CTNNA2: variants seen among roughly 807,000 people sequenced by gnomAD.
CTNNA2 encodes the protein catenin alpha-2.
CTNNA2 carries 42 observed loss-of-function variants against 101.0 expected under a neutral mutation model. The observed-to-expected ratio is 0.42, with a 90% CI of 0.32 to 0.54. The LOEUF (loss-of-function observed/expected upper bound fraction) is 0.54, where lower values mean the gene tolerates loss of function less well. CTNNA2 is among the 20% of genes least tolerant of loss of function. The probability of loss-of-function intolerance (pLI) is 0.14; values close to 1 mark genes in which losing one functional copy is unlikely to be tolerated. For synonymous variants in CTNNA2, 450 were observed against 456.4 expected, an observed-to-expected ratio of 0.99 and a Z score of 0.18; for missense variants, 871 against 1,223.1, an observed-to-expected ratio of 0.71 and a Z score of 4.29.
At chr2:79,558,073 C>G (rs1205830939) in intron 1 of CTNNA2, among the ~76,000 whole-genome samples, 2 of 151,942 alleles carry the variant, frequency 1.3e-5, no homozygotes, top group Admixed American at 6.6e-5. Context: ...TTAGACCAGA[C>G]TATGATTATC....
chr2:80,216,064 G>T (rs377070619), intron 7 of CTNNA2, among the ~76,000 whole-genome samples: 64 of 152,336 alleles, frequency 4.2e-4, no homozygotes, highest in African/African-American at 1.5e-3. Flanking sequence ...TCCGAGCCAG[G>T]CATGGGATAT....
In CTNNA2 at chr2:79,252,275, G is replaced by A. The variant is rs560355556; in HGVS notation, c.-406+54199G>A. On this transcript the variant is annotated intron_variant, in intron 2 of 21. Coordinates refer to the CTNNA2 transcript ENST00000466387. The stretch of plus-strand genomic sequence containing the variant: ...TTTGAAACAGTCCCTCAAGTTAAAA[G>A]AGCATGTTTGGAAGAGATTTTTTTT... Among the ~76,000 whole-genome samples the A allele has an allele frequency of 5.8e-5, 8 of 139,096 alleles. No individual in the cohort carries two copies. In the South Asian group the frequency reaches 1.9e-3, roughly 33 times the overall value. 91.3% of individuals were successfully genotyped at this position (139,096 alleles called of 152,430 possible). A position where few individuals can be genotyped will look rare whatever the true frequency, so the allele number is the denominator to read the frequency against.
chr2:79,887,887 C>T (rs1684004349), intron 6 of CTNNA2, among the ~76,000 whole-genome samples: 2 of 152,092 alleles, frequency 1.3e-5, no homozygotes, highest in Admixed American at 1.3e-4. Context: ...TCAATTCTTT[C>T]TAACTGGAAA....
At chr2:80,435,295 C>T (rs1681930188) in intron 9 of CTNNA2, among the ~76,000 whole-genome samples, 1 of 152,170 alleles carries the variant, frequency 6.6e-6, no homozygotes, top group Non-Finnish European at 1.5e-5. Flanking sequence ...GCAGATAACA[C>T]AAGAAATAGG....
intron 2 of CTNNA2, among the ~76,000 whole-genome samples, chr2:79,719,937 T>G (rs901193309): frequency 2.6e-5 from 4 of 152,182 alleles, no homozygotes; most frequent in African/African-American, 4.8e-5. Flanking sequence ...TTGCAATCAC[T>G]TTTGGGGACT....
At chr2:80,573,852 G>A (rs769820545) in intron 12 of CTNNA2, among the ~76,000 whole-genome samples, 3 of 152,160 alleles carry the variant, frequency 2.0e-5, no homozygotes, top group African/African-American at 7.2e-5. Context: ...ATGCAACTCA[G>A]TTTGGGGTTA....
chr2:79,198,584 G>A (rs1673992135), intron 2 of CTNNA2, among the ~76,000 whole-genome samples: 1 of 152,156 alleles, frequency 6.6e-6, no homozygotes, highest in South Asian at 2.1e-4. Flanking sequence ...CAAAAGAATT[G>A]TATATTCTTA....
chr2:79,302,475 G>A (rs985710493), intron 2 of CTNNA2, among the ~76,000 whole-genome samples: 20 of 152,014 alleles, frequency 1.3e-4, no homozygotes, highest in African/African-American at 4.1e-4. Flanking sequence ...GAGTTCTGAC[G>A]TGTTTAACCT....
intron 7 of CTNNA2, among the ~76,000 whole-genome samples, chr2:80,306,464 T>C (rs867066313): frequency 1.0e-4 from 14 of 137,882 alleles, no homozygotes; most frequent in African/African-American, 2.4e-4. Context: ...CTCTCTCTCT[T>C]TCTTTCTTTC....
intron 6 of CTNNA2, among the ~76,000 whole-genome samples, chr2:79,891,346 A>G (rs1167497573): frequency 1.3e-5 from 2 of 152,196 alleles, no homozygotes; most frequent in Non-Finnish European, 2.9e-5. Flanking sequence ...CGCTGTGTAG[A>G]ATTTTTGCTC....
chr2:79,589,727 G>C (rs1436413648), intron 1 of CTNNA2, among the ~76,000 whole-genome samples: 1 of 144,568 alleles, frequency 6.9e-6, no homozygotes, highest in African/African-American at 2.6e-5. Context: ...TCCCCCCCCC[G>C]AGACACGAAT....
intron 7 of CTNNA2, among the ~76,000 whole-genome samples, chr2:80,247,140 G>A (rs2149100034): frequency 6.6e-6 from 1 of 152,250 alleles, no homozygotes; most frequent in Middle Eastern, 3.4e-3. Flanking sequence ...GATGGAGAAA[G>A]CTTTAAGATC....
chr2:80,199,654 G>GAACCA (rs1237297361), intron 7 of CTNNA2, among the ~76,000 whole-genome samples: 1 of 152,194 alleles, frequency 6.6e-6, no homozygotes, highest in East Asian at 1.9e-4. Flanking sequence ...AAAGTAGCTT[G>GAACCA]AACCACCTTG....
At chr2:80,194,132 A>T (rs1047874386) in intron 7 of CTNNA2, among the ~76,000 whole-genome samples, 22 of 152,208 alleles carry the variant, frequency 1.4e-4, no homozygotes, top group Non-Finnish European at 4.4e-5. Context: ...CAGTGTAATT[A>T]GTGCCCTCAG....
At chr2:80,436,444 G>T (rs1399438371) in intron 9 of CTNNA2, among the ~76,000 whole-genome samples, 1 of 151,878 alleles carries the variant, frequency 6.6e-6, no homozygotes, top group Non-Finnish European at 1.5e-5. Context: ...GATGCTCTGG[G>T]GGGTGGTGGG....
intron 7 of CTNNA2, among the ~76,000 whole-genome samples, chr2:80,257,438 A>T (rs375413263): frequency 1.3e-5 from 2 of 152,292 alleles, no homozygotes; most frequent in South Asian, 2.1e-4. Context: ...TGACACATGT[A>T]GTAAAAGGAC....
At chr2:79,901,518 A>C (rs1326942582) in intron 6 of CTNNA2, among the ~76,000 whole-genome samples, 1 of 152,158 alleles carries the variant, frequency 6.6e-6, no homozygotes, top group Non-Finnish European at 1.5e-5. Flanking sequence ...TGATTAGCTT[A>C]GATTTTGGAA....
chr2:79,377,056 G>A (rs11126719), intron 4 of CTNNA2, among the ~76,000 whole-genome samples: 112,539 of 149,384 alleles, frequency 0.75, 42,634 homozygotes, highest in South Asian at 0.82. Context: ...CTGAGGAATC[G>A]CCACACTGAC....
chr2:80,154,853 T>C (rs1386896045), intron 7 of CTNNA2, among the ~76,000 whole-genome samples: 1 of 152,202 alleles, frequency 6.6e-6, no homozygotes, highest in East Asian at 1.9e-4. Context: ...TTAAAAAATA[T>C]ATACAAGACA....
Sources: allele counts gnomAD v4.1 joint callset (sites outside exome capture counted in the v4.1 genomes callset), GRCh38; gene constraint gnomAD v4.1.1; transcripts MANE v1.5; gene names NCBI Gene and HGNC (gene_info 2026-07-23, HGNC 2026-07-21).